The following KIF4A variants were observed in gnomAD, a reference collection of about 807,000 sequenced individuals.
The protein encoded by KIF4A is chromosome-associated kinesin KIF4A.
In KIF4A, 7 loss-of-function variants were observed where a neutral mutation model predicts 105.9. The observed-to-expected ratio is 0.07, with a 90% CI of 0.04 to 0.12. The LOEUF is 0.12. Ranked by LOEUF, KIF4A falls within the 10% of genes least tolerant of loss-of-function variation. The pLI is 1.00. For synonymous variants in KIF4A, 281 were observed against 331.3 expected (o/e 0.85, Z 1.65); for missense variants, 558 against 929.2 (o/e 0.60, Z 5.19).
At chrX:70,334,751 A>T (rs1300615731) in intron 10 of KIF4A, among the ~76,000 whole-genome samples, 3 of 112,037 alleles carry the variant, frequency 2.7e-5, no homozygotes, top group African/African-American at 9.7e-5. Flanking sequence ...AACATAATGG[A>T]TCTAAGAGTC....
chrX:70,372,640 AGGGAGAGGGAGACCGTG>A (rs1479416364), intron 15 of KIF4A, among the ~76,000 whole-genome samples: 3 of 112,811 alleles, frequency 2.7e-5, no homozygotes, highest in African/African-American at 6.5e-5. Flanking sequence ...GTGGAAAGAG[AGGGAGAGGGAGACCGTG>A]GGGAGAGGGA....
chrX:70,386,937 A>G, intron 19 of KIF4A, among the ~76,000 whole-genome samples: 1 of 111,616 alleles, frequency 9.0e-6, no homozygotes, highest in African/African-American at 3.3e-5. Context: ...CCTTTCCTGA[A>G]AAAACAAAGT....
chrX:70,385,392 TTTCTC>T (rs1424579602), intron 18 of KIF4A, among the ~76,000 whole-genome samples: 1 of 112,238 alleles, frequency 8.9e-6, no homozygotes, highest in Non-Finnish European at 1.9e-5. Context: ...ACTGTTGACT[TTTCTC>T]TTTCCACTGG....
At chrX:70,419,242 G>A (rs1164135732) in intron 29 of KIF4A, among the ~76,000 whole-genome samples, 1 of 112,400 alleles carries the variant, frequency 8.9e-6, no homozygotes. Flanking sequence ...CCTCCAGGCA[G>A]AGGGGCATGG....
At chrX:70,334,726 A>C (rs182541980) in intron 10 of KIF4A, among the ~76,000 whole-genome samples, 57 of 111,910 alleles carry the variant, frequency 5.1e-4, no homozygotes, top group African/African-American at 1.8e-3. Context: ...GTTTGTTTAT[A>C]TTTTAGGTAT....
intron 7 of KIF4A, among the ~76,000 whole-genome samples, chrX:70,315,604 T>A (rs756110048): frequency 8.9e-6 from 1 of 111,845 alleles, no homozygotes; most frequent in African/African-American, 3.3e-5. Context: ...GACTGAAGTC[T>A]AATGCTGGAG....
intron 15 of KIF4A, among the ~76,000 whole-genome samples, chrX:70,372,790 C>A (rs2086145524): frequency 1.8e-5 from 2 of 113,081 alleles, no homozygotes; most frequent in South Asian, 7.2e-4. Flanking sequence ...ATTTGTGCAG[C>A]TCTTTACAGT....
At chrX:70,350,941 A>C (rs1444065176) in intron 13 of KIF4A, among the ~76,000 whole-genome samples, 1 of 111,602 alleles carries the variant, frequency 9.0e-6, no homozygotes, top group Non-Finnish European at 1.9e-5. Flanking sequence ...TACAATACCA[A>C]ATAAAGCCTA....
Position 70,352,590 on chromosome X carries a change from G to T in KIF4A, c.1432-10G>T, listed in dbSNP as rs2086035343. The T allele has an allele frequency of 8.4e-7, 1 of 1,191,263 alleles. No homozygotes were observed. The highest frequency in any genetic ancestry group is 1.1e-6 in the Non-Finnish European group (1 of 879,263). ...ACTCTTTCCCTAAACCAAAACATTT[G>T]TTACTGCAGGATGAAACTGTTGCTT... On this transcript the variant is annotated splice_polypyrimidine_tract_variant and intron_variant, in intron 13 of 30. Coordinates refer to ENST00000374403, the MANE Select transcript of KIF4A (RefSeq NM_012310.5).
intron 1 of KIF4A, 54 bp downstream of exon 1, chrX:70,290,204 G>A (rs777526104): frequency 1.3e-4 from 45 of 342,381 alleles, no homozygotes; most frequent in African/African-American, 1.1e-3. Flanking sequence ...CAGTACCCTA[G>A]GGCTTTGGTT....
chrX:70,324,904 C>T (rs1242815546), intron 7 of KIF4A, among the ~76,000 whole-genome samples: 2 of 111,574 alleles, frequency 1.8e-5, no homozygotes, highest in Non-Finnish European at 3.8e-5. Flanking sequence ...ACCTCAGCCT[C>T]CCGAGTAACT....
chrX:70,407,069 C>A lies in KIF4A; in HGVS notation c.3249C>A (p.Ile1083=). 8.4e-7 allele frequency: 1 copy of A among 1,189,197 alleles called. No homozygotes were observed. Among genetic ancestry groups the A allele is most frequent in the Non-Finnish European group, 1.1e-6 (1 of 883,535 alleles). ...TKLVKVSRKN[I]QGCSCKGWCG... Reference sequence around the variant, plus strand: ...TAGTTAAGGTGTCCAGGAAGAACATCCAAGGGGTAGGAGCCAGCTCTTCAA... The same window carrying A: ...TAGTTAAGGTGTCCAGGAAGAACATACAAGGGGTAGGAGCCAGCTCTTCAA... Residue 1083 remains isoleucine, a synonymous_variant, in exon 28 of 31, where the codon ATC becomes ATA. Coordinates refer to ENST00000374403, the MANE Select transcript of KIF4A (RefSeq NM_012310.5).
chrX:70,348,186 G>A (rs1955611503), intron 13 of KIF4A, among the ~76,000 whole-genome samples: 1 of 109,325 alleles, frequency 9.1e-6, no homozygotes, highest in African/African-American at 3.3e-5. Context: ...GCTTACGCCT[G>A]TAATCCAAAC....
At chrX:70,335,738 T>C (rs2085947904) in intron 10 of KIF4A, among the ~76,000 whole-genome samples, 1 of 112,031 alleles carries the variant, frequency 8.9e-6, no homozygotes, top group South Asian at 3.7e-4. Context: ...AAATAATGTG[T>C]TCACATGGAC....
At chrX:70,338,208 A>G (rs1198263799) in intron 10 of KIF4A, among the ~76,000 whole-genome samples, 1 of 111,509 alleles carries the variant, frequency 9.0e-6, no homozygotes, top group Non-Finnish European at 1.9e-5. Flanking sequence ...GTACCATTCA[A>G]TGATTTTTAG....
intron 5 of KIF4A, among the ~76,000 whole-genome samples, chrX:70,299,832 A>G (rs866631468): frequency 8.9e-6 from 1 of 112,446 alleles, no homozygotes; most frequent in Admixed American, 9.4e-5. Flanking sequence ...ACATGTAAGT[A>G]TCATAGGAAG....
intron 11 of KIF4A, among the ~76,000 whole-genome samples, chrX:70,342,185 A>G (rs2085975122): frequency 8.9e-6 from 1 of 112,454 alleles, no homozygotes; most frequent in Non-Finnish European, 1.9e-5. Flanking sequence ...ATTTTAAAAT[A>G]GATTCATTTA....
chrX:70,307,326 C>A (rs1016699974), intron 7 of KIF4A, among the ~76,000 whole-genome samples: 1 of 110,787 alleles, frequency 9.0e-6, no homozygotes. Flanking sequence ...TGCAAACTTG[C>A]AGAACTTATT....
rs1255087337 is a variant in KIF4A at position 70,296,982 on chromosome X, A to T, written c.236-16A>T. 8.3e-7 allele frequency: 1 copy of T among 1,202,608 alleles called. No homozygotes were observed. The highest frequency in any genetic ancestry group is 1.8e-5 in the South Asian group (1 of 55,364). On this transcript the variant is annotated splice_polypyrimidine_tract_variant and intron_variant, in intron 3 of 30. Transcript: ENST00000374403. ...ATGTTTAAACACCACTATGCATGTG[A>T]CGTCTATTTTGTCAGGATATAATGC...
Sources: gnomAD v4.1 joint callset for allele counts (sites outside exome capture counted in the v4.1 genomes callset) on GRCh38, gnomAD v4.1.1 for gene constraint, MANE v1.5 for transcripts, NCBI Gene and HGNC (gene_info 2026-07-23, HGNC 2026-07-21) for gene names.